RAPGEF5: variants seen among roughly 807,000 people sequenced by gnomAD.
RAPGEF5 encodes the protein Rap guanine nucleotide exchange factor 5, also known as M-Ras-regulated GEF.
Under a neutral mutation model 125.2 loss-of-function variants are expected in RAPGEF5, and 65 were observed. The ratio of observed to expected loss-of-function variants is 0.52; its 90% CI spans 0.43 to 0.64. The LOEUF (loss-of-function observed/expected upper bound fraction) is 0.64. Ranked by LOEUF, RAPGEF5 falls within the 30% of genes least tolerant of loss-of-function variation. RAPGEF5 has a pLI of 0.00. For synonymous variants in RAPGEF5, 391 were observed against 385.9 expected (o/e 1.01, Z -0.16); for missense variants, 958 against 1,048.1 (o/e 0.91, Z 1.19).
At chr7:22,251,799 A>AG in intron 7 of RAPGEF5, among the ~76,000 whole-genome samples, 1 of 149,690 alleles carries the variant, frequency 6.7e-6, no homozygotes, top group Middle Eastern at 3.2e-3. Flanking sequence ...AAAAAAAAAA[A>AG]GTGGAGGTGC....
At chr7:22,190,506 A>G (rs867079108) in intron 11 of RAPGEF5, among the ~76,000 whole-genome samples, 1 of 152,190 alleles carries the variant, frequency 6.6e-6, no homozygotes, top group African/African-American at 2.4e-5. Flanking sequence ...TGCTGATAGA[A>G]TACTATATGA....
At chr7:22,259,440 A>G (rs2686469) in intron 7 of RAPGEF5, among the ~76,000 whole-genome samples, 24,606 of 152,188 alleles carry the variant, frequency 0.16, 2,076 homozygotes, top group Admixed American at 0.2. Flanking sequence ...TTGGAAGACA[A>G]CTTGGTAGTT....
intron 1 of RAPGEF5, among the ~76,000 whole-genome samples, chr7:22,352,073 AG>A (rs1306614470): frequency 6.6e-6 from 1 of 152,210 alleles, no homozygotes; most frequent in East Asian, 1.9e-4. Flanking sequence ...GAATCACTGA[AG>A]GTCTTTGGTG....
chr7:22,356,201 A>C, intron 1 of RAPGEF5: 1 of 985,510 alleles, frequency 1.0e-6, no homozygotes. Flanking sequence ...ATCGTATCTG[A>C]ACACACCATC....
At chr7:22,343,224 T>C (rs12670930) in intron 1 of RAPGEF5, among the ~76,000 whole-genome samples, 36,885 of 152,002 alleles carry the variant, frequency 0.24, 4,742 homozygotes, top group Middle Eastern at 0.29. Context: ...TCATAAAATT[T>C]ATTCACTATC....
intron 16 of RAPGEF5, 100 bp downstream of exon 16, chr7:22,156,710 A>G: frequency 1.3e-6 from 2 of 1,567,762 alleles, no homozygotes; most frequent in Non-Finnish European, 1.7e-6. Context: ...GAGGGGTGAC[A>G]GCTGGAAATG....
intron 7 of RAPGEF5, among the ~76,000 whole-genome samples, chr7:22,255,491 G>A (rs1786737211): frequency 6.6e-6 from 1 of 152,054 alleles, no homozygotes; most frequent in South Asian, 2.1e-4. Context: ...GACTTGGGAG[G>A]CTGAGGTGGG....
At position 22,160,876 on chromosome 7, in the gene RAPGEF5, T is replaced by C. The variant is rs905893002; in HGVS notation, c.1429-261A>G. ...TAGAGATCCCTAGCTGGCTGGCTAC[T>C]AGAGATTTCCAGCCCATTCTATATC... is the stretch of plus-strand genomic sequence containing the variant. On this transcript the variant is annotated intron_variant, in intron 13 of 25. Transcript: ENST00000665637. Among the ~76,000 whole-genome samples the C allele has an allele frequency of 5.3e-5, 8 of 152,242 alleles. No individual in the cohort carries two copies. In the East Asian group the frequency reaches 1.5e-3, roughly 29 times the overall value.
intron 21 of RAPGEF5, among the ~76,000 whole-genome samples, chr7:22,139,376 G>A (rs1562710994): frequency 2.0e-5 from 3 of 152,184 alleles, no homozygotes; most frequent in African/African-American, 7.2e-5. Flanking sequence ...AGGAAGGACG[G>A]TGAGGGGACC....
chr7:22,163,324 G>A (rs1015949306), intron 12 of RAPGEF5, among the ~76,000 whole-genome samples: 4 of 152,166 alleles, frequency 2.6e-5, no homozygotes, highest in African/African-American at 9.7e-5. Context: ...TATTATATAT[G>A]CATTTAACGG....
intron 1 of RAPGEF5, among the ~76,000 whole-genome samples, chr7:22,350,612 C>T (rs1015282638): frequency 1.7e-4 from 26 of 152,170 alleles, no homozygotes; most frequent in African/African-American, 5.3e-4. Flanking sequence ...AGTGATAGCA[C>T]TGGGATTCAA....
intron 1 of RAPGEF5, among the ~76,000 whole-genome samples, chr7:22,351,545 C>A (rs1784330103): frequency 6.6e-6 from 1 of 152,146 alleles, no homozygotes; most frequent in Non-Finnish European, 1.5e-5. Flanking sequence ...TAACCTCGGG[C>A]AAATTACACC....
At position 22,304,548 on chromosome 7, in the gene RAPGEF5, C is replaced by T. The variant is rs117041049; in HGVS notation, c.680+3791G>A. The stretch of plus-strand genomic sequence containing the variant: ...CAACAAGGTCATTTCACTGGCATTC[C>T]AATTTGTTTTCCGAGTGGCGGAGAA... On this transcript the variant is annotated intron_variant, in intron 5 of 25. Transcript: ENST00000665637. 4.7e-4 allele frequency among the ~76,000 whole-genome samples: 72 copies of T among 152,252 alleles called. 1 individual carries two copies. The East Asian group carries it at 0.013, about 28-fold the overall frequency.
chr7:22,217,513 T>G (rs1785667906), intron 9 of RAPGEF5, among the ~76,000 whole-genome samples: 2 of 152,324 alleles, frequency 1.3e-5, no homozygotes, highest in South Asian at 4.2e-4. Context: ...AATAAATTAC[T>G]GCAAAAACTG....
At chr7:22,189,319 CCA>C (rs907117656) in intron 11 of RAPGEF5, among the ~76,000 whole-genome samples, 3 of 152,132 alleles carry the variant, frequency 2.0e-5, no homozygotes, top group Admixed American at 6.5e-5. Flanking sequence ...TCCATGTAAT[CCA>C]CAGTTTTCCC....
chr7:22,220,020 T>C (rs2128132572), intron 8 of RAPGEF5, 29 bp from the exon 9 acceptor site: 2 of 1,612,122 alleles, frequency 1.2e-6, no homozygotes, highest in Non-Finnish European at 1.7e-6. Context: ...AGCGAAGATA[T>C]ACTTAAAACC....
rs867699866 is a variant in RAPGEF5, at chr7:22,228,777, T to G, written c.870+2069A>C. ...ATCCACCTGCCTTGGCCTCCCAAAG[T>G]GCTGGGATTACGGGTGCGAGCCACC... On this transcript the variant is annotated intron_variant, in intron 8 of 25. Transcript: ENST00000665637. 1.3e-4 allele frequency among the ~76,000 whole-genome samples: 19 copies of G among 151,356 alleles called. No individual in the cohort carries two copies. In the South Asian group the frequency reaches 1.5e-3, roughly 12 times the overall value.
chr7:22,126,764 C>CA (rs397686708), intron 24 of RAPGEF5, among the ~76,000 whole-genome samples: 1 of 164 alleles, frequency 6.1e-3, no homozygotes, highest in East Asian at 0.042. Context: ...CTGGCATATG[C>CA]ATCATACCTG....
chr7:22,160,936 C>T (rs1164085994), intron 13 of RAPGEF5, among the ~76,000 whole-genome samples: 1 of 152,112 alleles, frequency 6.6e-6, no homozygotes, highest in African/African-American at 2.4e-5. Flanking sequence ...GTGGCTCACG[C>T]CTGTAATTCC....
Sources: allele counts gnomAD v4.1 joint callset (sites outside exome capture counted in the v4.1 genomes callset), GRCh38; gene constraint gnomAD v4.1.1; transcripts MANE v1.5; gene names NCBI Gene and HGNC (gene_info 2026-07-23, HGNC 2026-07-21).